The following ZNF462 variants were observed in gnomAD, a reference collection of about 807,000 sequenced individuals.
ZNF462 encodes zinc finger PBX1-interacting protein.
A neutral mutation model predicts 201.9 loss-of-function variants in ZNF462; 10 were observed. That is an observed-to-expected ratio of 0.05 (90% CI 0.03 to 0.08). The LOEUF is 0.08. ZNF462 is among the 10% of genes least tolerant of loss of function. The pLI is 1.00. For missense variants in ZNF462, 2,523 were observed against 3,168.3 expected (o/e 0.80, Z 4.89); for synonymous variants, 1,227 against 1,193.3 (o/e 1.03, Z -0.58).
Position 106,938,131 on chromosome 9 carries a change from G to A in ZNF462, c.6236-785G>A, listed in dbSNP as rs75562643. Among the ~76,000 whole-genome samples, 5,037 of 152,200 alleles carry A rather than the reference G, an allele frequency of 0.033. 120 individuals carry two copies. Among genetic ancestry groups the A allele is most frequent in the Middle Eastern group, 0.099 (29 of 294 alleles). ...GTAAATCACACTTTAACTTAATTTGGTCATGGTGATCTGTGTTGTATTTCA... is the reference window on the plus strand; with the variant it reads ...GTAAATCACACTTTAACTTAATTTGATCATGGTGATCTGTGTTGTATTTCA... On this transcript the variant is annotated intron_variant, in intron 6 of 12. Transcript: ENST00000277225. The surrounding 1 kb of genome is among the most constrained non-coding windows in gnomAD (Gnocchi z 4.4).
intron 1 of ZNF462, among the ~76,000 whole-genome samples, chr9:106,892,672 A>G (rs1337073616): frequency 1.3e-5 from 2 of 149,614 alleles, no homozygotes; most frequent in African/African-American, 2.5e-5. Flanking sequence ...TTGGAGGCAT[A>G]TACTCACACA....
chr9:106,915,568 G>A (rs1302582493), intron 1 of ZNF462, among the ~76,000 whole-genome samples: 1 of 152,184 alleles, frequency 6.6e-6, no homozygotes, highest in African/African-American at 2.4e-5. Context: ...CCTGCTATAA[G>A]GTTGCATTAA....
Position 107,010,510 on chromosome 9 carries a change from A to C in ZNF462, c.7314-313A>C, listed in dbSNP as rs1829873110. On this transcript the variant is annotated intron_variant, in intron 12 of 12. Transcript: ENST00000277225. The surrounding 1 kb of genome is among the most constrained non-coding windows in gnomAD (Gnocchi z 4.6). ...TTCTTGCTGTTACCACTTATGACCC[A>C]GTAGAGAAAGTGACATAAAATGATT... 1.3e-5 allele frequency among the ~76,000 whole-genome samples: 2 copies of C among 152,190 alleles called. No individual in the cohort carries two copies. Among genetic ancestry groups the C allele is most frequent in the Admixed American group, 1.3e-4 (2 of 15,276 alleles).
intron 7 of ZNF462, among the ~76,000 whole-genome samples, chr9:106,961,574 C>T (rs1831841385): frequency 6.6e-6 from 1 of 151,662 alleles, no homozygotes; most frequent in Non-Finnish European, 1.5e-5. Context: ...TTGTTGAGCA[C>T]TTGCTTTAGG....
At chr9:106,898,530 G>C (rs568958408) in intron 1 of ZNF462, among the ~76,000 whole-genome samples, 1 of 152,274 alleles carries the variant, frequency 6.6e-6, no homozygotes, top group Non-Finnish European at 1.5e-5. Flanking sequence ...GGGGATGTCA[G>C]GGATACTGCT....
intron 1 of ZNF462, among the ~76,000 whole-genome samples, chr9:106,863,761 A>T (rs2130738975): frequency 6.7e-6 from 1 of 149,898 alleles, no homozygotes; most frequent in Non-Finnish European, 1.5e-5. Flanking sequence ...AAGATGAGTG[A>T]GAAGAGAGCT....
rs772962083 is a variant in ZNF462, at chr9:106,928,589, C to T, written c.4677C>T (p.Ser1559=). The part of the protein sequence containing the change: ...VHDVEQSADI[S]QNDVEETSRI... ...ACGTAGAGCAGTCTGCTGACATATC[C>T]CAGAATGACGTGGAGGAGACGAGCA... Residue 1559 remains serine (S), a synonymous_variant, in exon 3 of 13, where the codon TCC becomes TCT. Transcript: ENST00000277225. This position sits in a 1 kb window ranked among gnomAD's most constrained non-coding sequence, Gnocchi z 9.3. 5.0e-6 allele frequency: 8 copies of T among 1,613,932 alleles called. No homozygotes were observed. The South Asian group carries it at 7.7e-5, about 16-fold the overall frequency.
chr9:106,945,168 C>G (rs1330249474), intron 7 of ZNF462, among the ~76,000 whole-genome samples: 1 of 152,110 alleles, frequency 6.6e-6, no homozygotes, highest in Non-Finnish European at 1.5e-5. Context: ...AAAAATGTAA[C>G]TTGACCTAAA....
At position 106,963,616 on chromosome 9, in the gene ZNF462, T is replaced by TA. The variant is rs370934443; in HGVS notation, c.6428-8386dup. 1.9e-3 allele frequency among the ~76,000 whole-genome samples: 283 copies of TA among 152,180 alleles called. No individual in the cohort carries two copies. Among genetic ancestry groups the TA allele is most frequent in the African/African-American group, 6.4e-3 (264 of 41,512 alleles). ...ATCATTAAGTATTTATGGTGATAAT[T>TA]AAAGTTTATGAAGTTTGTAAGGAAC... On this transcript the variant is annotated intron_variant, in intron 7 of 12. Coordinates refer to ENST00000277225, the MANE Select transcript of ZNF462 (RefSeq NM_021224.6). This position sits in a 1 kb window ranked among gnomAD's most constrained non-coding sequence, Gnocchi z 4.7.
rs1829317120 is a variant in ZNF462, at chr9:107,003,106, G to A, written c.7057-188G>A. 6.6e-6 allele frequency among the ~76,000 whole-genome samples: 1 copy of A among 152,198 alleles called. No individual in the cohort carries two copies. The highest frequency in any genetic ancestry group is 2.4e-5 in the African/African-American group (1 of 41,458). On this transcript the variant is annotated intron_variant, in intron 10 of 12. Coordinates refer to ENST00000277225, the MANE Select transcript of ZNF462 (RefSeq NM_021224.6). The surrounding 1 kb of genome is among the most constrained non-coding windows in gnomAD (Gnocchi z 4.4). ...TTCCGGTGAAAATGATGGAATGTGG[G>A]AGCAAAGGGCTGCTCCATCTCCAAA...
chr9:106,934,237 A>G (rs1196715420), intron 5 of ZNF462, among the ~76,000 whole-genome samples: 1 of 150,000 alleles, frequency 6.7e-6, no homozygotes, highest in East Asian at 2.0e-4. Flanking sequence ...CACAGCCTAT[A>G]TGTAATGGCT....
In ZNF462 at chr9:106,977,488, G is replaced by A. The variant is rs1244078845; in HGVS notation, c.6832+3215G>A. On this transcript the variant is annotated intron_variant, in intron 9 of 12. Coordinates refer to ENST00000277225, the MANE Select transcript of ZNF462 (RefSeq NM_021224.6). The surrounding 1 kb of genome is among the most constrained non-coding windows in gnomAD (Gnocchi z 4.6). ...TTTAAGTAGAGAGAGAATCTACTTCGCTCATGGGAAATCTGAATATGAACT... is the reference window on the plus strand; with the variant it reads ...TTTAAGTAGAGAGAGAATCTACTTCACTCATGGGAAATCTGAATATGAACT... 6.6e-6 allele frequency among the ~76,000 whole-genome samples: 1 copy of A among 151,584 alleles called. No homozygotes were observed. Among genetic ancestry groups the A allele is most frequent in the Non-Finnish European group, 1.5e-5 (1 of 68,028 alleles).
At chr9:106,877,455 C>T (rs1725498923) in intron 1 of ZNF462, among the ~76,000 whole-genome samples, 1 of 151,692 alleles carries the variant, frequency 6.6e-6, no homozygotes, top group Non-Finnish European at 1.5e-5. Context: ...GTGGCATGAT[C>T]TCAAGCACAC....
In ZNF462 at chr9:106,950,776, G is replaced by A. The variant is rs1301230461; in HGVS notation, c.6427+11669G>A. On this transcript the variant is annotated intron_variant, in intron 7 of 12. Transcript: ENST00000277225. The surrounding 1 kb of genome is among the most constrained non-coding windows in gnomAD (Gnocchi z 4.1). ...ATGTTATCTCCATAACGGAAGTCTG[G>A]AAAACAATAACTCTTTAAAAAATTA... Among the ~76,000 whole-genome samples, 1 of 152,108 alleles carries A rather than the reference G, an allele frequency of 6.6e-6. No homozygotes were observed. Among genetic ancestry groups the A allele is most frequent in the African/African-American group, 2.4e-5 (1 of 41,398 alleles).
chr9:106,991,838 CTACACA>C (rs538839753), intron 10 of ZNF462, among the ~76,000 whole-genome samples: 3,606 of 128,210 alleles, frequency 0.028, 137 homozygotes, highest in African/African-American at 0.1. Flanking sequence ...ACAGCACTCT[CTACACA>C]CACACACACA....
intron 7 of ZNF462, among the ~76,000 whole-genome samples, chr9:106,952,818 A>G (rs1326199442): frequency 1.3e-5 from 2 of 152,168 alleles, no homozygotes; most frequent in African/African-American, 4.8e-5. Flanking sequence ...ATGAGACAGG[A>G]ACCTCCATGA....
rs1379405903 is a variant in ZNF462 at position 106,892,691 on chromosome 9, TGCACACACACAC to T, written c.-31+29349_-31+29360del. ...AGGCATATACTCACACACACACACA[TGCACACACACAC>T]GCACACACACACACACACACACATG... On this transcript the variant is annotated intron_variant, in intron 1 of 12. Transcript: ENST00000277225. 4.6e-3 allele frequency among the ~76,000 whole-genome samples: 661 copies of T among 143,566 alleles called. 1 individual carries two copies. The highest frequency in any genetic ancestry group is 0.018 in the African/African-American group (627 of 34,688). 94.2% of individuals were successfully genotyped at this position (143,566 alleles called of 152,430 possible). A position where few individuals can be genotyped will look rare whatever the true frequency, so the allele number is the denominator to read the frequency against.
In ZNF462 at chr9:106,925,345, C is replaced by A. The variant is rs776020774; in HGVS notation, c.1433C>A (p.Thr478Asn). The change falls in exon 3 of 13, where the codon ACT becomes AAT. Residue 478 changes from threonine to asparagine, a missense_variant. Coordinates refer to ENST00000277225, the MANE Select transcript of ZNF462 (RefSeq NM_021224.6). The surrounding 1 kb of genome is among the most constrained non-coding windows in gnomAD (Gnocchi z 7.9). ...AVYKCDECPF[T>N]CKSSLKLGAH... ...TACAAATGTGACGAATGTCCGTTTA[C>A]TTGCAAGAGCTCGTTGAAACTTGGG... is the stretch of plus-strand genomic sequence containing the variant. 19 of 1,614,138 alleles carry A rather than the reference C, an allele frequency of 1.2e-5. No individual in the cohort carries two copies. The Admixed American group carries it at 3.2e-4, about 27-fold the overall frequency.
chr9:106,931,674 G>A (rs1830433039), intron 4 of ZNF462, among the ~76,000 whole-genome samples: 1 of 152,150 alleles, frequency 6.6e-6, no homozygotes, highest in African/African-American at 2.4e-5. Context: ...TGTGTAATCA[G>A]TAACCCAAGG....
Sources: gnomAD v4.1 joint callset for allele counts (sites outside exome capture counted in the v4.1 genomes callset) on GRCh38, gnomAD v4.1.1 for gene constraint, Gnocchi (gnomAD v3.1) non-coding constraint, MANE v1.5 for transcripts, NCBI Gene and HGNC (gene_info 2026-07-23, HGNC 2026-07-21) for gene names.